INPP5A: variants seen among roughly 807,000 people sequenced by gnomAD.
INPP5A encodes the protein 43 kDa inositol polyphosphate 5-phophatase.
INPP5A carries 14 observed loss-of-function variants against 65.2 expected under a neutral mutation model. The ratio of observed to expected loss-of-function variants is 0.21; its 90% CI spans 0.14 to 0.34. The LOEUF (loss-of-function observed/expected upper bound fraction) is 0.34, where lower values mean the gene tolerates loss of function less well. Ranked by LOEUF, INPP5A falls within the 10% of genes least tolerant of loss-of-function variation. INPP5A has a pLI of 1.00. For synonymous variants in INPP5A, 207 were observed against 208.3 expected (o/e 0.99, Z 0.05); for missense variants, 431 against 545.6 (o/e 0.79, Z 2.09).
chr10:132,565,614 CATGTGTGT>C (rs2071262661), intron 1 of INPP5A, among the ~76,000 whole-genome samples: 2 of 151,964 alleles, frequency 1.3e-5, no homozygotes, highest in South Asian at 4.2e-4. Flanking sequence ...ACTGTGTGTG[CATGTGTGT>C]ATGTGTGTAT....
At chr10:132,713,035 CGTGTGTGTGG>C (rs1347075049) in intron 8 of INPP5A, among the ~76,000 whole-genome samples, 3 of 148,052 alleles carry the variant, frequency 2.0e-5, no homozygotes, top group African/African-American at 7.5e-5. Context: ...TGTATGTGTG[CGTGTGTGTGG>C]GTGTGTGTGC....
In INPP5A at chr10:132,607,943, G is replaced by A. The variant is rs754683408; in HGVS notation, c.104G>A (p.Arg35Gln). The A allele has an allele frequency of 1.2e-5, 19 of 1,611,744 alleles. No homozygotes were observed. The highest frequency in any genetic ancestry group is 5.5e-5 in the South Asian group (5 of 91,088). Residue 35 changes from arginine (R) to glutamine (Q), a missense_variant, in exon 2 of 16, where the codon CGG becomes CAG. Physicochemically the swap from Arg to Gln is conservative, Grantham distance 43. Transcript: ENST00000368594. ...GAAAACCTGCAGAAGAACTGGCTTC[G>A]GGAATTTTACCAGGTAAGAACCACT... ...DPENLQKNWL[R>Q]EFYQVVHTHK...
At chr10:132,687,620 T>TC (rs1845159044) in intron 4 of INPP5A, among the ~76,000 whole-genome samples, 1 of 152,220 alleles carries the variant, frequency 6.6e-6, no homozygotes, top group Non-Finnish European at 1.5e-5. Context: ...GTCCCTGTCA[T>TC]CTAGCCTGGG....
At position 132,750,079 on chromosome 10, in the gene INPP5A, A is replaced by G. The variant is rs184960871; in HGVS notation, c.903+234A>G. ...CTGTCCTGTCCACGGGCAGCATGACACTCGACCCATCAGCTTCAGAGATCC... is the reference window on the plus strand; with the variant it reads ...CTGTCCTGTCCACGGGCAGCATGACGCTCGACCCATCAGCTTCAGAGATCC... On this transcript the variant is annotated intron_variant, in intron 11 of 15. Transcript: ENST00000368594. 5.5e-3 allele frequency among the ~76,000 whole-genome samples: 838 copies of G among 152,276 alleles called. 5 individuals carry two copies. The highest frequency in any genetic ancestry group is 0.017 in the Middle Eastern group (5 of 294).
At position 132,705,286 on chromosome 10, in the gene INPP5A, T is replaced by C. The variant is rs112913984; in HGVS notation, c.475-3027T>C. On this transcript the variant is annotated intron_variant, in intron 6 of 15. Coordinates refer to ENST00000368594, the MANE Select transcript of INPP5A (RefSeq NM_005539.5). The surrounding 1 kb of genome is among the most constrained non-coding windows in gnomAD (Gnocchi z 4.9). ...GGACATGTTTGGAATCAGAGACAAG[T>C]GTCTGGTGCAGCACGCAGGGAGCCT... 6.6e-6 allele frequency among the ~76,000 whole-genome samples: 1 copy of C among 152,170 alleles called. No homozygotes were observed. Among genetic ancestry groups the C allele is most frequent in the Non-Finnish European group, 1.5e-5 (1 of 68,032 alleles).
intron 4 of INPP5A, among the ~76,000 whole-genome samples, chr10:132,655,313 G>A (rs891557081): frequency 2.6e-5 from 4 of 152,174 alleles, no homozygotes; most frequent in African/African-American, 9.7e-5. Flanking sequence ...AGCTAGCCCC[G>A]CCGTGGAGGT....
intron 1 of INPP5A, among the ~76,000 whole-genome samples, chr10:132,604,680 C>T (rs536006349): frequency 6.6e-6 from 1 of 152,322 alleles, no homozygotes; most frequent in South Asian, 2.1e-4. Flanking sequence ...GGAGGGAAGA[C>T]AGAGAAGGAA....
intron 9 of INPP5A, 69 bp from the exon 10 acceptor site, chr10:132,749,448 G>T (rs1030576007): frequency 1.4e-6 from 2 of 1,389,750 alleles, no homozygotes; most frequent in Non-Finnish European, 2.0e-6. Context: ...CTGACTCGGG[G>T]TGTCGGGTGA....
chr10:132,757,997 G>A (rs1431151199), intron 11 of INPP5A, among the ~76,000 whole-genome samples: 2 of 145,402 alleles, frequency 1.4e-5, no homozygotes, highest in Admixed American at 6.8e-5. Flanking sequence ...AATGTTGTGG[G>A]TCTCTGGCTG....
chr10:132,646,427 G>T (rs907044221), intron 3 of INPP5A, among the ~76,000 whole-genome samples: 3 of 152,310 alleles, frequency 2.0e-5, no homozygotes, highest in African/African-American at 7.2e-5. Context: ...ATGCCCTGAG[G>T]CTTCTGACAG....
At chr10:132,585,686 C>T (rs150878114) in intron 1 of INPP5A, among the ~76,000 whole-genome samples, 8 of 152,356 alleles carry the variant, frequency 5.3e-5, no homozygotes, top group African/African-American at 1.9e-4. Flanking sequence ...TCCCAGGTCT[C>T]ACGGAGCCTC....
rs758955767 is a variant in INPP5A, at chr10:132,781,984, G to A, written c.*7+36G>A. On this transcript the variant is annotated intron_variant, in intron 15 of 15. Coordinates refer to ENST00000368594, the MANE Select transcript of INPP5A (RefSeq NM_005539.5). Reference sequence around the variant, plus strand: ...CTCCTCCCTCCAGTTCAGCTTTTACGCAGCTTTTCCTGGTGCGTTTGTTCC... The same window carrying A: ...CTCCTCCCTCCAGTTCAGCTTTTACACAGCTTTTCCTGGTGCGTTTGTTCC... 25 of 1,612,166 alleles carry A rather than the reference G, an allele frequency of 1.6e-5. No individual in the cohort carries two copies. In the African/African-American group the frequency reaches 1.7e-4, roughly 11 times the overall value.
intron 4 of INPP5A, among the ~76,000 whole-genome samples, chr10:132,671,077 G>T (rs1277076791): frequency 6.6e-6 from 1 of 151,966 alleles, no homozygotes; most frequent in Non-Finnish European, 1.5e-5. Context: ...GAAAAGAGAA[G>T]GTCTCTCTTT....
intron 2 of INPP5A, among the ~76,000 whole-genome samples, chr10:132,642,183 C>G (rs150690054): frequency 0.019 from 2,885 of 152,094 alleles, 93 homozygotes; most frequent in African/African-American, 0.065. Flanking sequence ...GGTCTGGGGA[C>G]AGCCTGGAGC....
At chr10:132,695,545 G>C (rs779100482) in intron 5 of INPP5A, among the ~76,000 whole-genome samples, 2 of 152,192 alleles carry the variant, frequency 1.3e-5, no homozygotes, top group Admixed American at 1.3e-4. Context: ...GGGGTGATGG[G>C]AGATAGAACT....
intron 2 of INPP5A, among the ~76,000 whole-genome samples, chr10:132,609,933 C>T (rs1019488313): frequency 5.9e-5 from 9 of 152,220 alleles, no homozygotes; most frequent in Admixed American, 1.3e-4. Context: ...TGAGCCACCG[C>T]ACCTGGCCTG....
chr10:132,771,819 C>T (rs562581159), intron 12 of INPP5A, among the ~76,000 whole-genome samples: 19 of 117,400 alleles, frequency 1.6e-4, no homozygotes, highest in African/African-American at 6.3e-4. Flanking sequence ...GCAGCCGCCC[C>T]GTGAAGAGTG....
rs1382417774 is a variant in INPP5A, at chr10:132,717,425, C to T, written c.647+6969C>T. On this transcript the variant is annotated intron_variant, in intron 8 of 15. Coordinates refer to ENST00000368594, the MANE Select transcript of INPP5A (RefSeq NM_005539.5). ...TGACTCCACCCAGTGAGCAGCCTGG[C>T]TGCCCCAGGCACTTTGGGGGCTCTG... Among the ~76,000 whole-genome samples the T allele has an allele frequency of 2.0e-5, 3 of 151,498 alleles. 1 individual carries two copies. Among genetic ancestry groups the T allele is most frequent in the African/African-American group, 7.4e-5 (3 of 40,754 alleles).
intron 5 of INPP5A, among the ~76,000 whole-genome samples, chr10:132,691,102 CT>C (rs1468503824): frequency 6.6e-6 from 1 of 152,252 alleles, no homozygotes; most frequent in African/African-American, 2.4e-5. Context: ...GTCGTAGTAA[CT>C]GTGGAGCCAC....
Sources: gnomAD v4.1 joint callset for allele counts (sites outside exome capture counted in the v4.1 genomes callset) on GRCh38, gnomAD v4.1.1 for gene constraint, Gnocchi (gnomAD v3.1) non-coding constraint, MANE v1.5 for transcripts, NCBI Gene and HGNC (gene_info 2026-07-23, HGNC 2026-07-21) for gene names.